The following MYRIP variants were observed in gnomAD, a reference collection of about 807,000 sequenced individuals.
MYRIP encodes myosin VIIA and Rab interacting protein.
Under a neutral mutation model 98.0 loss-of-function variants are expected in MYRIP, and 49 were observed. The ratio of observed to expected loss-of-function variants is 0.50; its 90% CI spans 0.40 to 0.63. MYRIP has a LOEUF of 0.63. Among genes scored for constraint, MYRIP ranks in the 30% least tolerant of loss-of-function variants. The probability of loss-of-function intolerance (pLI) is 0.00; values close to 1 mark genes in which losing one functional copy is unlikely to be tolerated. For synonymous variants in MYRIP, 404 were observed against 409.5 expected (o/e 0.99, Z 0.16); for missense variants, 1,004 against 1,058.2 (o/e 0.95, Z 0.71).
At position 40,024,567 on chromosome 3, in the gene MYRIP, T is replaced by TG. The variant is rs199984372; in HGVS notation, c.111-19480dup. On this transcript the variant is annotated intron_variant, in intron 2 of 16. Coordinates refer to ENST00000302541, the MANE Select transcript of MYRIP (RefSeq NM_015460.4). ...TCCTCTGTAGGCTAGATGCTTTTTGTGGGTTTTTTTTTTTTTTACATGTCC... is the reference window on the plus strand; with the variant it reads ...TCCTCTGTAGGCTAGATGCTTTTTGTGGGGTTTTTTTTTTTTTTACATGTCC... Among the ~76,000 whole-genome samples the TG allele has an allele frequency of 1.2e-3, 170 of 146,544 alleles. 2 individuals are homozygous for TG. Among genetic ancestry groups the TG allele is most frequent in the East Asian group, 1.6e-3 (8 of 5,086 alleles).
At chr3:39,951,028 G>C (rs566825121) in intron 2 of MYRIP, among the ~76,000 whole-genome samples, 1 of 152,186 alleles carries the variant, frequency 6.6e-6, no homozygotes, top group East Asian at 1.9e-4. Context: ...AATATATTTT[G>C]GAAACTCTGA....
At chr3:40,240,740 C>T (rs556762243) in intron 12 of MYRIP, among the ~76,000 whole-genome samples, 15 of 152,290 alleles carry the variant, frequency 9.8e-5, no homozygotes, top group Admixed American at 6.5e-4. Flanking sequence ...CACAGCAGCA[C>T]GCAATGGGGG....
chr3:40,185,105 G>A (rs1473913317), intron 9 of MYRIP, among the ~76,000 whole-genome samples: 1 of 152,166 alleles, frequency 6.6e-6, no homozygotes. Flanking sequence ...TTCCGAAGGT[G>A]GAGGTCATCT....
intron 4 of MYRIP, among the ~76,000 whole-genome samples, chr3:40,158,765 T>A (rs1194919722): frequency 5.4e-5 from 8 of 149,142 alleles, no homozygotes; most frequent in African/African-American, 2.1e-4. Context: ...CTTCTTTGTC[T>A]CTTTTGATCT....
chr3:39,852,676 C>A (rs116718467), intron 1 of MYRIP, among the ~76,000 whole-genome samples: 3,000 of 152,164 alleles, frequency 0.02, 100 homozygotes, highest in African/African-American at 0.069. Flanking sequence ...GAATAATGGT[C>A]CCCAACTCCA....
At chr3:40,181,107 C>CT (rs980854037) in intron 8 of MYRIP, among the ~76,000 whole-genome samples, 24 of 149,724 alleles carry the variant, frequency 1.6e-4, no homozygotes, top group South Asian at 6.4e-4. Flanking sequence ...TCTCTCATAC[C>CT]TTTTTTTTTT....
At chr3:39,932,537 T>G (rs143233439) in intron 2 of MYRIP, among the ~76,000 whole-genome samples, 2,247 of 151,910 alleles carry the variant, frequency 0.015, 27 homozygotes, top group Non-Finnish European at 0.026. Flanking sequence ...AATTTTTCGG[T>G]TTTTTGGGGG....
intron 2 of MYRIP, among the ~76,000 whole-genome samples, chr3:39,995,770 T>G (rs979516170): frequency 2.0e-5 from 3 of 152,108 alleles, no homozygotes; most frequent in Admixed American, 6.5e-5. Context: ...GAAAAAATGT[T>G]AAGGGCAGCC....
rs183821076 is a variant in MYRIP, at chr3:40,214,305, T to C, written c.1905+4212T>C. Among the ~76,000 whole-genome samples, 169 of 150,846 alleles carry C rather than the reference T, an allele frequency of 1.1e-3. 4 individuals carry two copies. In the East Asian group the frequency reaches 0.029, roughly 26 times the overall value. Reference sequence around the variant, plus strand: ...AGCTCAGCCAGGGCCTCCATCACTGTCCCTGCTGTTTGGGAGCCAAAGCAG... The same window carrying C: ...AGCTCAGCCAGGGCCTCCATCACTGCCCCTGCTGTTTGGGAGCCAAAGCAG... On this transcript the variant is annotated intron_variant, in intron 11 of 16. Transcript: ENST00000302541.
In MYRIP at chr3:39,908,429, A is replaced by AC. The variant is rs202235547; in HGVS notation, c.110+7511dup. 1.0e-2 allele frequency among the ~76,000 whole-genome samples: 1,491 copies of AC among 149,430 alleles called. 6 individuals are homozygous for AC. Among genetic ancestry groups the AC allele is most frequent in the Middle Eastern group, 0.014 (4 of 290 alleles). On this transcript the variant is annotated intron_variant, in intron 2 of 16. Coordinates refer to ENST00000302541, the MANE Select transcript of MYRIP (RefSeq NM_015460.4). ...TTGCCACCTCCAGGGGTAATCTTCC[A>AC]CCCCCCCCATTGCTCAGGTCTAAGT...
intron 10 of MYRIP, among the ~76,000 whole-genome samples, chr3:40,204,077 A>T (rs867222993): frequency 9.4e-4 from 1 of 1,062 alleles, no homozygotes; most frequent in Non-Finnish European, 5.7e-3. Flanking sequence ...ATATTATATA[A>T]TATATTTATA....
intron 11 of MYRIP, among the ~76,000 whole-genome samples, chr3:40,213,558 G>A (rs763733956): frequency 1.8e-4 from 27 of 151,902 alleles, no homozygotes; most frequent in Non-Finnish European, 3.5e-4. Flanking sequence ...CCATCTTCAG[G>A]ATCAGAGTTA....
At position 39,973,339 on chromosome 3, in the gene MYRIP, CA is replaced by C. The variant is rs1489200459; in HGVS notation, c.111-70706del. Reference sequence around the variant, plus strand: ...CATAATGGTAAAGGGATCAATTCAACAAAAAGAGCTAACTATCCTAAATATA... The same window carrying C: ...CATAATGGTAAAGGGATCAATTCAACAAAAGAGCTAACTATCCTAAATATA... On this transcript the variant is annotated intron_variant, in intron 2 of 16. Transcript: ENST00000302541. Among the ~76,000 whole-genome samples, 3 of 152,220 alleles carry C rather than the reference CA, an allele frequency of 2.0e-5. No individual in the cohort carries two copies. The East Asian group carries it at 5.8e-4, about 29-fold the overall frequency.
intron 2 of MYRIP, among the ~76,000 whole-genome samples, chr3:40,027,391 C>T (rs565582313): frequency 2.0e-4 from 31 of 152,208 alleles, no homozygotes; most frequent in Admixed American, 5.2e-4. Flanking sequence ...CTGCTCACAT[C>T]CTCCATAACT....
chr3:39,946,791 G>A (rs774762566), intron 2 of MYRIP, among the ~76,000 whole-genome samples: 1 of 152,152 alleles, frequency 6.6e-6, no homozygotes, highest in African/African-American at 2.4e-5. Flanking sequence ...CCGAGCTTAT[G>A]ACCCATGGAA....
intron 1 of MYRIP, among the ~76,000 whole-genome samples, chr3:39,859,930 G>A (rs1293769479): frequency 2.0e-5 from 3 of 152,122 alleles, no homozygotes; most frequent in Non-Finnish European, 4.4e-5. Flanking sequence ...AAAGCCGAAA[G>A]CTTTTTCTCT....
chr3:39,899,406 CTTAT>C (rs1013742962), intron 1 of MYRIP, among the ~76,000 whole-genome samples: 5 of 151,970 alleles, frequency 3.3e-5, no homozygotes, highest in African/African-American at 9.6e-5. Context: ...TTTTTCCAGT[CTTAT>C]TTATTTATTT....
intron 1 of MYRIP, among the ~76,000 whole-genome samples, chr3:39,849,056 A>G (rs1473714764): frequency 6.6e-6 from 1 of 152,236 alleles, no homozygotes; most frequent in Non-Finnish European, 1.5e-5. Flanking sequence ...TTTTTATTCT[A>G]TGGAACACAT....
chr3:40,177,721 A>G (rs988911537), intron 8 of MYRIP, among the ~76,000 whole-genome samples: 1 of 152,140 alleles, frequency 6.6e-6, no homozygotes, highest in Admixed American at 6.5e-5. Context: ...AACTCATTTC[A>G]TGCCTCTTTG....
Sources: allele counts gnomAD v4.1 joint callset (sites outside exome capture counted in the v4.1 genomes callset), GRCh38; gene constraint gnomAD v4.1.1; transcripts MANE v1.5; gene names NCBI Gene and HGNC (gene_info 2026-07-23, HGNC 2026-07-21).